Variants in HLCS observed in about 807,000 individuals in gnomAD.
HLCS encodes holocarboxylase synthetase.
In HLCS, 53 loss-of-function variants were observed where a neutral mutation model predicts 75.0. The observed-to-expected ratio is 0.71, with a 90% CI of 0.57 to 0.89. HLCS has a LOEUF of 0.89. HLCS is among the 40% of genes least tolerant of loss of function. The probability of loss-of-function intolerance (pLI) is 0.00; values close to 1 mark genes in which losing one functional copy is unlikely to be tolerated. For missense variants in HLCS, 966 were observed against 1,074.0 expected, an observed-to-expected ratio of 0.90 and a Z score of 1.41; for synonymous variants, 431 against 428.6, an observed-to-expected ratio of 1.01 and a Z score of -0.07.
chr21:36,894,464 C>T (rs1055127937), intron 6 of HLCS, among the ~76,000 whole-genome samples: 4 of 152,144 alleles, frequency 2.6e-5, no homozygotes, highest in Admixed American at 2.6e-4. Context: ...AATGTCTTCT[C>T]CTTAAAAAGG....
chr21:36,949,959 T>C (rs932194696), intron 2 of HLCS, among the ~76,000 whole-genome samples: 1 of 152,148 alleles, frequency 6.6e-6, no homozygotes, highest in African/African-American at 2.4e-5. Flanking sequence ...TCCTGCTACA[T>C]TCCCCATCTG....
intron 6 of HLCS, among the ~76,000 whole-genome samples, chr21:36,820,715 C>T (rs916782398): frequency 3.3e-5 from 5 of 152,202 alleles, no homozygotes; most frequent in African/African-American, 9.7e-5. Flanking sequence ...CTGTGGGCAC[C>T]GTGGATGTCA....
At chr21:36,879,979 A>G (rs987705950) in intron 6 of HLCS, among the ~76,000 whole-genome samples, 36 of 151,948 alleles carry the variant, frequency 2.4e-4, no homozygotes, top group African/African-American at 8.0e-4. Flanking sequence ...ATTGCCCAGT[A>G]TCTGGTGCTC....
intron 5 of HLCS, among the ~76,000 whole-genome samples, chr21:36,906,069 AC>A (rs1164937214): frequency 2.6e-5 from 4 of 151,266 alleles, no homozygotes; most frequent in Non-Finnish European, 4.4e-5. Context: ...AAAAAACAAA[AC>A]AAAAATTGGG....
chr21:36,947,461 G>A, intron 2 of HLCS: 1 of 985,386 alleles, frequency 1.0e-6, no homozygotes, highest in Non-Finnish European at 1.2e-6. Flanking sequence ...CAGGGTGTTT[G>A]CCTTCCAGTG....
In HLCS at chr21:36,962,793, C is replaced by CAA. The variant is rs386394699; in HGVS notation, c.196-625_196-624dup. 7.0e-4 allele frequency among the ~76,000 whole-genome samples: 56 copies of CAA among 80,184 alleles called. 2 individuals are homozygous for CAA. The highest frequency in any genetic ancestry group is 1.4e-3 in the African/African-American group (28 of 19,584). 52.6% of individuals were successfully genotyped at this position (80,184 alleles called of 152,430 possible). A position where few individuals can be genotyped will look rare whatever the true frequency, so the allele number is the denominator to read the frequency against. ...TGGGTGACAGAGTGAGACCCTATCT[C>CAA]AAAAAAAAAAAAAAAAAAAAAAGAT... On this transcript the variant is annotated intron_variant, in intron 1 of 10. Coordinates refer to ENST00000674895, the MANE Select transcript of HLCS (RefSeq NM_001352514.2).
intron 3 of HLCS, 110 bp downstream of exon 3, chr21:36,938,722 C>G (rs1271691845): frequency 8.9e-7 from 1 of 1,125,756 alleles, no homozygotes; most frequent in Non-Finnish European, 1.3e-6. Flanking sequence ...AGGCTGGTCT[C>G]GAACTCCTGG....
chr21:36,938,806 T>C (rs764752312), intron 3 of HLCS, 26 bp downstream of exon 3: 28 of 1,612,770 alleles, frequency 1.7e-5, no homozygotes, highest in South Asian at 5.5e-5. Flanking sequence ...GCCTGGCCAA[T>C]AAAAACATTT....
At chr21:36,792,167 T>C (rs538007223) in intron 6 of HLCS, among the ~76,000 whole-genome samples, 6 of 152,024 alleles carry the variant, frequency 3.9e-5, no homozygotes, top group South Asian at 4.2e-4. Context: ...CAGGTGCCAA[T>C]AGTGAAACCT....
At position 36,853,617 on chromosome 21, in the gene HLCS, T is replaced by C. The variant is rs755985179; in HGVS notation, c.1892+43243A>G. On this transcript the variant is annotated intron_variant, in intron 6 of 10. Transcript: ENST00000674895. ...TTAACTAAAGCACTAACAGGTATAA[T>C]GATAACAATTTGGTAAGTCACAGTA... Among the ~76,000 whole-genome samples, 112 of 152,192 alleles carry C rather than the reference T, an allele frequency of 7.4e-4. 1 individual carries two copies. Among genetic ancestry groups the C allele is most frequent in the Non-Finnish European group, 2.9e-4 (20 of 68,026 alleles).
Position 36,767,286 on chromosome 21 carries a change from C to G in HLCS, c.1893-1G>C. ...TTCCTGCGGTGTCTGAAACATCAGC[C>G]TGCCGAAGAGGGGGAAAGACCGGTT... is the stretch of plus-strand genomic sequence containing the variant. On this transcript the variant is annotated splice_acceptor_variant, in intron 6 of 10. Transcript: ENST00000674895. LOFTEE classifies it high-confidence loss of function. The G allele has an allele frequency of 6.2e-7, 1 of 1,614,174 alleles. No individual in the cohort carries two copies. Among genetic ancestry groups the G allele is most frequent in the Non-Finnish European group, 8.5e-7 (1 of 1,180,030 alleles).
intron 5 of HLCS, among the ~76,000 whole-genome samples, chr21:36,908,120 C>T (rs2065541415): frequency 6.6e-6 from 1 of 151,272 alleles, no homozygotes; most frequent in Non-Finnish European, 1.5e-5. Flanking sequence ...CACAGTGGCT[C>T]ATATCTGTAA....
At chr21:36,989,314 CT>C (rs35073331) in intron 1 of HLCS, among the ~76,000 whole-genome samples, 148 of 80,008 alleles carry the variant, frequency 1.8e-3, no homozygotes, top group Middle Eastern at 0.011. Context: ...TCTGGCCCAT[CT>C]TTTTTTTTTT....
chr21:36,982,932 G>A (rs1335193559), intron 1 of HLCS, among the ~76,000 whole-genome samples: 2 of 152,170 alleles, frequency 1.3e-5, no homozygotes, highest in South Asian at 2.1e-4. Context: ...GGGAAGCTGA[G>A]GCAGAGAATT....
chr21:36,776,935 G>C (rs924497029), intron 6 of HLCS, among the ~76,000 whole-genome samples: 1 of 152,140 alleles, frequency 6.6e-6, no homozygotes, highest in Admixed American at 6.5e-5. Context: ...TAACTAATAG[G>C]CTTTTTTATT....
intron 6 of HLCS, among the ~76,000 whole-genome samples, chr21:36,784,977 A>G (rs1481112579): frequency 2.0e-5 from 3 of 152,188 alleles, no homozygotes; most frequent in African/African-American, 7.2e-5. Flanking sequence ...CAAACAAAGG[A>G]ACCTGAAGGT....
chr21:36,982,933 G>A (rs2069151633), intron 1 of HLCS, among the ~76,000 whole-genome samples: 1 of 152,114 alleles, frequency 6.6e-6, no homozygotes, highest in African/African-American at 2.4e-5. Context: ...GGAAGCTGAG[G>A]CAGAGAATTG....
In HLCS at chr21:36,966,660, A is replaced by AGCCCGCCTT; in HGVS notation, c.-31_-23dup. The AGCCCGCCTT allele has an allele frequency of 1.0e-6, 1 of 967,102 alleles. No individual in the cohort carries two copies. The highest frequency in any genetic ancestry group is 4.8e-5 in the South Asian group (1 of 20,992). 59.9% of individuals were successfully genotyped at this position (967,102 alleles called of 1,614,324 possible). A position where few individuals can be genotyped will look rare whatever the true frequency, so the allele number is the denominator to read the frequency against. ...GCATGGCCGCGCCGCCGGCAGGGCG[A>AGCCCGCCTT]GCCCGCCTTGCCCGCCCGCCCCAGC... On this transcript the variant is annotated 5_prime_UTR_variant, in exon 1 of 11. Coordinates refer to ENST00000674895, the MANE Select transcript of HLCS (RefSeq NM_001352514.2).
chr21:36,866,082 A>G (rs2063543787), intron 6 of HLCS, among the ~76,000 whole-genome samples: 1 of 152,234 alleles, frequency 6.6e-6, no homozygotes, highest in Non-Finnish European at 1.5e-5. Flanking sequence ...AGTTTCTTGA[A>G]TTCACATGTG....
Sources: allele counts gnomAD v4.1 joint callset (sites outside exome capture counted in the v4.1 genomes callset), GRCh38; gene constraint gnomAD v4.1.1; transcripts MANE v1.5; gene names NCBI Gene and HGNC (gene_info 2026-07-23, HGNC 2026-07-21).